The following RP1 variants were observed in gnomAD, a reference collection of about 807,000 sequenced individuals.
RP1 encodes the protein oxygen-regulated protein 1.
RP1 carries 16 observed loss-of-function variants against 14.8 expected under a neutral mutation model. The observed-to-expected ratio is 1.08, with a 90% confidence interval of 0.73 to 1.65. RP1 has a LOEUF of 1.65. RP1 is among the 40% of genes most tolerant of loss of function. The probability of loss-of-function intolerance (pLI) is 0.00; values close to 1 mark genes in which losing one functional copy is unlikely to be tolerated. For synonymous variants in RP1, 876 were observed against 883.6 expected, an observed-to-expected ratio of 0.99 and a Z score of 0.15; for missense variants, 2,631 against 2,535.0, an observed-to-expected ratio of 1.04 and a Z score of -0.81.
chr8:54,736,718 G>A (rs999916206), intron 18 of RP1, among the ~76,000 whole-genome samples: 1 of 152,126 alleles, frequency 6.6e-6, no homozygotes, highest in Non-Finnish European at 1.5e-5. Context: ...CAGGAGTGTA[G>A]AGTCTTGTGG....
intron 19 of RP1, among the ~76,000 whole-genome samples, chr8:54,741,690 T>C (rs1337344954): frequency 7.4e-6 from 1 of 135,706 alleles, no homozygotes. Context: ...TATGTACATA[T>C]AAATACAAAT....
At position 54,641,690 on chromosome 8, in the gene RP1, T is replaced by C. The variant is rs902641998; in HGVS notation, c.788-7295T>C. Among the ~76,000 whole-genome samples the C allele has an allele frequency of 3.9e-5, 6 of 152,320 alleles. No homozygotes were observed. In the East Asian group the frequency reaches 5.8e-4, roughly 15 times the overall value. ...GCTCTCATGAGAATGCGTGGTCTAA[T>C]TGATGCAAAAGAGGTAATTTTGTAA... On this transcript the variant is annotated intron_variant, in intron 3 of 22. Transcript: ENST00000636932.
At chr8:54,802,500 T>A (rs2129389477) in intron 24 of RP1, among the ~76,000 whole-genome samples, 1 of 152,322 alleles carries the variant, frequency 6.6e-6, no homozygotes, top group East Asian at 1.9e-4. Context: ...AAAATCTCTA[T>A]CAAAGTTCTT....
chr8:54,648,596 A>C (rs565697448), intron 3 of RP1, among the ~76,000 whole-genome samples: 1 of 152,132 alleles, frequency 6.6e-6, no homozygotes, highest in Non-Finnish European at 1.5e-5. Context: ...AAAATATCCT[A>C]AAAGGCATTA....
rs151160454 is a variant in RP1 at position 54,720,223 on chromosome 8, T to C, written c.2306T>C (p.Val769Ala). 1.2e-4 allele frequency: 186 copies of C among 1,536,016 alleles called. No homozygotes were observed. The African/African-American group carries it at 2.2e-3, about 18-fold the overall frequency. Residue 769 changes from valine (V) to alanine (A), a missense_variant, in exon 16 of 23, where the codon GTT becomes GCT. Physicochemically the swap from Val to Ala is moderately conservative, Grantham distance 64 (BLOSUM62 0). Coordinates refer to the RP1 transcript ENST00000636932. ...TCTACGAAGAGCCCAGGATTGTTTG[T>C]TGGACTTCAGTCAGATGGGCAGGCA...
chr8:54,634,150 T>G (rs1336381831), downstream of RP1, among the ~76,000 whole-genome samples: 1 of 152,182 alleles, frequency 6.6e-6, no homozygotes, highest in Non-Finnish European at 1.5e-5. Flanking sequence ...TTTCCTACTA[T>G]TCTACGCTCT....
chr8:54,672,715 A>G (rs1249205558), intron 7 of RP1, among the ~76,000 whole-genome samples: 1 of 152,168 alleles, frequency 6.6e-6, no homozygotes, highest in Non-Finnish European at 1.5e-5. Context: ...TATTATTTCT[A>G]ATGTTAATAT....
intron 25 of RP1, among the ~76,000 whole-genome samples, chr8:54,849,340 T>C (rs534940800): frequency 5.9e-5 from 9 of 152,146 alleles, no homozygotes; most frequent in South Asian, 2.1e-4. Context: ...AAAATTGGAC[T>C]GGAAAAAAAA....
At chr8:54,858,535 T>C (rs537548781) in intron 27 of RP1, among the ~76,000 whole-genome samples, 1 of 152,256 alleles carries the variant, frequency 6.6e-6, no homozygotes, top group South Asian at 2.1e-4. Context: ...CAGAGCACTG[T>C]CACTGTAGAG....
Position 54,625,104 on chromosome 8 carries a change from A to G in RP1, c.1222A>G (p.Ile408Val). 1 of 1,614,158 alleles carries G rather than the reference A, an allele frequency of 6.2e-7. No individual in the cohort carries two copies. The highest frequency in any genetic ancestry group is 1.3e-5 in the African/African-American group (1 of 75,046). Residue 408 changes from isoleucine to valine, a missense_variant, in exon 4 of 4, where the codon ATA (isoleucine) becomes GTA (valine). By Grantham distance (29) the Ile-to-Val change is conservative. Coordinates refer to ENST00000220676, the MANE Select transcript of RP1 (RefSeq NM_006269.2). ...TCAAGAGGGCAGTTTGGCAGAGGAG[A>G]TAAACATTCAAATGACAGATCAAGT... ...SNQEGSLAEEINIQMTDQVAE... is the reference protein window; with the variant it reads ...SNQEGSLAEEVNIQMTDQVAE...
At chr8:54,702,578 A>G (rs1024134355) in intron 14 of RP1, among the ~76,000 whole-genome samples, 1 of 152,132 alleles carries the variant, frequency 6.6e-6, no homozygotes, top group African/African-American at 2.4e-5. Flanking sequence ...CTCGATATTG[A>G]CAGTTGCTGA....
chr8:54,753,487 T>C (rs1809423977), intron 19 of RP1, among the ~76,000 whole-genome samples: 1 of 152,094 alleles, frequency 6.6e-6, no homozygotes, highest in African/African-American at 2.4e-5. Flanking sequence ...GAAGAGGTTA[T>C]GTGTAAGCTA....
At chr8:54,611,638 C>T (rs1805594645), upstream of RP1, among the ~76,000 whole-genome samples, 1 of 152,102 alleles carries the variant, frequency 6.6e-6, no homozygotes, top group Non-Finnish European at 1.5e-5. Flanking sequence ...GTGCTTTAAG[C>T]ATCTTTAAGA....
chr8:54,658,500 G>C (rs858430), intron 6 of RP1, among the ~76,000 whole-genome samples: 36,267 of 137,710 alleles, frequency 0.26, 5,006 homozygotes, highest in East Asian at 0.43. Context: ...GCAGTGAGCC[G>C]AGATCCCGCC....
At chr8:54,641,598 C>T (rs900580551) in intron 3 of RP1, among the ~76,000 whole-genome samples, 21 of 152,096 alleles carry the variant, frequency 1.4e-4, no homozygotes, top group African/African-American at 3.6e-4. Context: ...TAGAGGGCCC[C>T]AAACCATTGT....
In RP1 at chr8:54,757,626, C is replaced by G. The variant is rs368589153; in HGVS notation, c.3094-1296C>G. Among the ~76,000 whole-genome samples the G allele has an allele frequency of 4.8e-4, 73 of 152,322 alleles. 3 individuals are homozygous for G. The South Asian group carries it at 0.015, about 31-fold the overall frequency. ...GAAACATCTCTCAGATTTGTCCCAC[C>G]AGGGGAAGCCCTCAGACACAGAAGC... On this transcript the variant is annotated intron_variant, in intron 21 of 22. Coordinates refer to the RP1 transcript ENST00000636932.
chr8:54,618,512 C>T (rs1805779198), intron 1 of RP1, among the ~76,000 whole-genome samples: 1 of 152,206 alleles, frequency 6.6e-6, no homozygotes, highest in Admixed American at 6.5e-5. Context: ...CATGATGCAC[C>T]TACACCAAGA....
chr8:54,838,682 T>G (rs886115969), intron 25 of RP1, among the ~76,000 whole-genome samples: 2 of 152,160 alleles, frequency 1.3e-5, no homozygotes, highest in African/African-American at 4.8e-5. Context: ...TATTCCTGCA[T>G]GCATATGTGA....
At chr8:54,611,887 C>T (rs1251788797), upstream of RP1, among the ~76,000 whole-genome samples, 273 of 132,356 alleles carry the variant, frequency 2.1e-3, 2 homozygotes, top group African/African-American at 7.0e-3. Flanking sequence ...CTCCCTCTCT[C>T]CCTTCCTTCC....
Sources: allele counts gnomAD v4.1 joint callset (sites outside exome capture counted in the v4.1 genomes callset), GRCh38; gene constraint gnomAD v4.1.1; transcripts MANE v1.5; gene names NCBI Gene and HGNC (gene_info 2026-07-23, HGNC 2026-07-21).